SMOC2: variants seen among roughly 807,000 people sequenced by gnomAD.
SMOC2 encodes the protein SPARC related modular calcium binding 2, also known as SPARC-related modular calcium-binding protein 2.
In SMOC2, 39 loss-of-function variants were observed where a neutral mutation model predicts 61.4. That is an observed-to-expected ratio of 0.64 (90% CI 0.49 to 0.83). The LOEUF (loss-of-function observed/expected upper bound fraction) is 0.83, where lower values mean the gene tolerates loss of function less well. SMOC2 is among the 40% of genes least tolerant of loss of function. The probability of loss-of-function intolerance (pLI) is 0.00; values close to 1 mark genes in which losing one functional copy is unlikely to be tolerated. For synonymous variants in SMOC2, 247 were observed against 239.9 expected (o/e 1.03, Z -0.27); for missense variants, 556 against 592.9 (o/e 0.94, Z 0.65).
At chr6:168,511,125 A>G (rs893355399) in intron 2 of SMOC2, among the ~76,000 whole-genome samples, 1 of 152,236 alleles carries the variant, frequency 6.6e-6, no homozygotes, top group Non-Finnish European at 1.5e-5. Flanking sequence ...AAAGATAAGT[A>G]TATAAATGAA....
chr6:168,564,906 G>C (rs568742401), intron 7 of SMOC2, among the ~76,000 whole-genome samples: 5 of 152,368 alleles, frequency 3.3e-5, no homozygotes, highest in Non-Finnish European at 7.3e-5. Flanking sequence ...AGGACTTGAA[G>C]TTAATCCCAC....
intron 2 of SMOC2, among the ~76,000 whole-genome samples, chr6:168,511,066 A>G (rs116696535): frequency 2.0e-5 from 3 of 152,174 alleles, no homozygotes; most frequent in Non-Finnish European, 4.4e-5. Context: ...AAGTAGGGGA[A>G]ATGACTGATG....
chr6:168,662,538 G>T (rs2115292485), intron 11 of SMOC2, among the ~76,000 whole-genome samples: 1 of 152,360 alleles, frequency 6.6e-6, no homozygotes, highest in East Asian at 1.9e-4. Context: ...CACATGGGTG[G>T]ATGGGGCAGA....
chr6:168,534,775 A>G (rs772347850), intron 4 of SMOC2, among the ~76,000 whole-genome samples: 4 of 152,162 alleles, frequency 2.6e-5, no homozygotes, highest in Non-Finnish European at 4.4e-5. Context: ...GGAGCCTCAC[A>G]TGAGTTGAGA....
At chr6:168,568,717 T>A (rs1016589862) in intron 7 of SMOC2, among the ~76,000 whole-genome samples, 1 of 152,156 alleles carries the variant, frequency 6.6e-6, no homozygotes, top group Non-Finnish European at 1.5e-5. Flanking sequence ...AAACCACTGA[T>A]CTTTTTACTA....
chr6:168,449,418 T>C (rs953560045), intron 1 of SMOC2, among the ~76,000 whole-genome samples: 2 of 152,248 alleles, frequency 1.3e-5, no homozygotes, highest in African/African-American at 4.8e-5. Flanking sequence ...GAGATAGAAA[T>C]TTCAAATAAC....
chr6:168,648,397 T>G (rs1241965454), intron 9 of SMOC2, among the ~76,000 whole-genome samples: 5 of 152,244 alleles, frequency 3.3e-5, no homozygotes, highest in Non-Finnish European at 5.9e-5. Context: ...GCCTGTGCCC[T>G]GGAGGCATTT....
chr6:168,444,018 C>T (rs912166471), intron 1 of SMOC2, among the ~76,000 whole-genome samples: 2 of 152,160 alleles, frequency 1.3e-5, no homozygotes, highest in African/African-American at 2.4e-5. Context: ...GTGCCCATGC[C>T]GTGGGTCCGT....
intron 7 of SMOC2, among the ~76,000 whole-genome samples, chr6:168,578,888 G>A (rs541448686): frequency 1.8e-4 from 27 of 152,296 alleles, no homozygotes; most frequent in African/African-American, 5.8e-4. Flanking sequence ...TCGCTGCGTG[G>A]TAAAATGAAA....
intron 9 of SMOC2, among the ~76,000 whole-genome samples, chr6:168,608,922 G>A (rs1785781374): frequency 6.6e-6 from 1 of 152,168 alleles, no homozygotes; most frequent in South Asian, 2.1e-4. Context: ...ACTTTGTTTA[G>A]AGTACGTGCT....
chr6:168,658,281 G>C (rs897883042), intron 11 of SMOC2, among the ~76,000 whole-genome samples: 9 of 152,208 alleles, frequency 5.9e-5, no homozygotes, highest in African/African-American at 2.2e-4. Flanking sequence ...TGTGGCACCT[G>C]GGGGCTTCCT....
chr6:168,488,412 C>G (rs547426610), intron 1 of SMOC2, among the ~76,000 whole-genome samples: 5 of 152,342 alleles, frequency 3.3e-5, no homozygotes, highest in Admixed American at 1.3e-4. Context: ...GTGGCTCAGA[C>G]AGAAACTCAC....
intron 7 of SMOC2, among the ~76,000 whole-genome samples, chr6:168,566,629 G>A (rs990962632): frequency 2.6e-5 from 4 of 151,874 alleles, no homozygotes; most frequent in African/African-American, 9.7e-5. Context: ...CTACAGGCAC[G>A]TGGCACCACA....
intron 1 of SMOC2, among the ~76,000 whole-genome samples, chr6:168,467,451 T>C (rs935034050): frequency 1.6e-4 from 25 of 152,014 alleles, no homozygotes; most frequent in African/African-American, 5.8e-4. Context: ...GGACTACAGG[T>C]GCACACCACC....
At chr6:168,525,764 A>G (rs1583080532) in intron 2 of SMOC2, among the ~76,000 whole-genome samples, 1 of 152,022 alleles carries the variant, frequency 6.6e-6, no homozygotes, top group Non-Finnish European at 1.5e-5. Context: ...GAGAAAAGGG[A>G]CGAGCCACGC....
intron 2 of SMOC2, among the ~76,000 whole-genome samples, chr6:168,518,905 ATGTG>A (rs561982316): frequency 6.7e-6 from 1 of 149,680 alleles, no homozygotes; most frequent in South Asian, 2.1e-4. Flanking sequence ...GTGTGCGTGC[ATGTG>A]TGAGTGAGCA....
intron 7 of SMOC2, among the ~76,000 whole-genome samples, chr6:168,589,461 T>C (rs1785122707): frequency 6.6e-6 from 1 of 152,226 alleles, no homozygotes; most frequent in Non-Finnish European, 1.5e-5. Context: ...GCAGCAGAGC[T>C]GTGTGGCACA....
intron 7 of SMOC2, among the ~76,000 whole-genome samples, chr6:168,565,337 G>T (rs1334842256): frequency 1.3e-5 from 2 of 152,204 alleles, no homozygotes; most frequent in Non-Finnish European, 2.9e-5. Flanking sequence ...GGCAGGGCTG[G>T]CCTGGTGAGG....
intron 6 of SMOC2, among the ~76,000 whole-genome samples, chr6:168,548,727 GC>G (rs1296300337): frequency 1.3e-5 from 2 of 152,236 alleles, no homozygotes; most frequent in South Asian, 2.1e-4. Context: ...AAAGTTTCAG[GC>G]AAAAGTTATA....
Sources: allele counts gnomAD v4.1 joint callset (sites outside exome capture counted in the v4.1 genomes callset), GRCh38; gene constraint gnomAD v4.1.1; transcripts MANE v1.5; gene names NCBI Gene and HGNC (gene_info 2026-07-23, HGNC 2026-07-21).